Variants in SLC49A4 observed in about 807,000 individuals in gnomAD.
SLC49A4 encodes solute carrier family 49 member 4.
In SLC49A4, 36 loss-of-function variants were observed where a neutral mutation model predicts 50.6. The observed-to-expected ratio is 0.71, with a 90% CI of 0.55 to 0.94. The LOEUF (loss-of-function observed/expected upper bound fraction) is 0.94, where lower values mean the gene tolerates loss of function less well. Ranked by LOEUF, SLC49A4 falls within the 40% of genes least tolerant of loss-of-function variation. The pLI is 0.00. For missense variants in SLC49A4, 503 were observed against 605.7 expected, an observed-to-expected ratio of 0.83 and a Z score of 1.78; for synonymous variants, 248 against 241.2, an observed-to-expected ratio of 1.03 and a Z score of -0.26.
At chr3:122,858,397 A>G (rs1937015987) in intron 6 of SLC49A4, among the ~76,000 whole-genome samples, 1 of 152,172 alleles carries the variant, frequency 6.6e-6, no homozygotes, top group East Asian at 1.9e-4. Context: ...AAATCTGAAA[A>G]CTGTTAGGTA....
intron 1 of SLC49A4, among the ~76,000 whole-genome samples, chr3:122,797,304 C>T (rs1451925774): frequency 2.6e-5 from 4 of 152,096 alleles, no homozygotes; most frequent in Middle Eastern, 3.4e-3. Context: ...AAAGGTTCTG[C>T]GACAAGAATG....
chr3:122,863,786 C>T (rs1937083599), intron 7 of SLC49A4, among the ~76,000 whole-genome samples: 1 of 152,122 alleles, frequency 6.6e-6, no homozygotes. Context: ...GAAGAATCTA[C>T]CTGAAACGTA....
chr3:122,807,476 A>C (rs2107557347), intron 2 of SLC49A4, among the ~76,000 whole-genome samples: 1 of 152,250 alleles, frequency 6.6e-6, no homozygotes, highest in East Asian at 1.9e-4. Flanking sequence ...AGGTAGTCTT[A>C]TTTGTATATA....
chr3:122,830,681 T>TATAAACTAACTATAAA (rs1936596847), intron 3 of SLC49A4, among the ~76,000 whole-genome samples: 2 of 152,172 alleles, frequency 1.3e-5, no homozygotes. Flanking sequence ...ACTATAAAAC[T>TATAAACTAACTATAAA]CTTGGAAGAA....
At chr3:122,821,269 T>C (rs1229411071) in intron 2 of SLC49A4, among the ~76,000 whole-genome samples, 2 of 152,160 alleles carry the variant, frequency 1.3e-5, no homozygotes, top group East Asian at 3.9e-4. Flanking sequence ...CCCTCTCTCA[T>C]TCACTTTTCC....
intron 1 of SLC49A4, among the ~76,000 whole-genome samples, chr3:122,797,655 T>C (rs1936065834): frequency 6.6e-6 from 1 of 152,204 alleles, no homozygotes; most frequent in South Asian, 2.1e-4. Context: ...CTTTGGGTTA[T>C]TGTTGTTTGC....
Position 122,795,260 on chromosome 3 carries a change from T to C in SLC49A4, c.68T>C (p.Leu23Pro). The C allele has an allele frequency of 7.2e-7, 1 of 1,394,562 alleles. No homozygotes were observed. The highest frequency in any genetic ancestry group is 9.2e-7 in the Non-Finnish European group (1 of 1,087,444). 86.4% of individuals were successfully genotyped at this position (1,394,562 alleles called of 1,614,324 possible). ...CTGGGGCCCGGGCTCGGGCCTGGGC[T>C]GGGGGCCTCCTGGAGAAGCCGGGAG... ...PLLGPGLGPG[L>P]GASWRSREAA... Residue 23 changes from leucine (L) to proline (P), a missense_variant, in exon 1 of 9, where the codon CTG (leucine) becomes CCG (proline). Leu to Pro is a moderately conservative substitution (Grantham distance 98). Coordinates refer to ENST00000261038, the MANE Select transcript of SLC49A4 (RefSeq NM_032839.3).
At chr3:122,819,283 A>G (rs1936419278) in intron 2 of SLC49A4, among the ~76,000 whole-genome samples, 1 of 151,554 alleles carries the variant, frequency 6.6e-6, no homozygotes, top group African/African-American at 2.4e-5. Flanking sequence ...GACAGAAAGT[A>G]TCTTTGGAGA....
At chr3:122,799,920 A>G (rs758039394) in intron 1 of SLC49A4, among the ~76,000 whole-genome samples, 1 of 152,190 alleles carries the variant, frequency 6.6e-6, no homozygotes, top group Non-Finnish European at 1.5e-5. Flanking sequence ...GTTGTGTAAG[A>G]TGGTAGAGAG....
chr3:122,819,555 T>A (rs771762705), intron 2 of SLC49A4, among the ~76,000 whole-genome samples: 2 of 152,182 alleles, frequency 1.3e-5, no homozygotes, highest in Non-Finnish European at 2.9e-5. Flanking sequence ...TTTAATTGAA[T>A]CATTATTGAC....
At chr3:122,853,668 G>A (rs1936951837) in intron 5 of SLC49A4, among the ~76,000 whole-genome samples, 1 of 152,196 alleles carries the variant, frequency 6.6e-6, no homozygotes, top group Non-Finnish European at 1.5e-5. Flanking sequence ...TCTGAGATGA[G>A]AGGATCACTT....
chr3:122,855,284 A>G (rs1347052805), intron 5 of SLC49A4, among the ~76,000 whole-genome samples: 1 of 152,222 alleles, frequency 6.6e-6, no homozygotes, highest in Admixed American at 6.5e-5. Flanking sequence ...ACAGTGAGCA[A>G]AATAGATTGC....
intron 5 of SLC49A4, among the ~76,000 whole-genome samples, chr3:122,849,839 A>G (rs1936901557): frequency 2.6e-5 from 4 of 151,912 alleles, no homozygotes; most frequent in Admixed American, 6.6e-5. Context: ...ATGTAATCCC[A>G]TTTGTCTGAT....
chr3:122,860,090 CA>C lies in SLC49A4; in HGVS notation c.1027del (p.Arg343GlyfsTer4). The C allele has an allele frequency of 6.2e-7, 1 of 1,608,210 alleles. No homozygotes were observed. Among genetic ancestry groups the C allele is most frequent in the Non-Finnish European group, 8.5e-7 (1 of 1,177,792 alleles). On this transcript the variant is annotated frameshift_variant, in exon 7 of 9. Transcript: ENST00000261038. LOFTEE classifies it high-confidence loss of function. ...TTGTTTTTAGGTTTGCAGATTTTAT[CA>C]GGGGTATGCTGAAACTAATTCTTCT... Reference protein sequence around the residue: ...IAMARFADFIRGMLKLILLLL... With the variant: ...IAMARFADFIXGMLKLILLLL...
At chr3:122,801,554 G>T (rs77307349) in intron 1 of SLC49A4, among the ~76,000 whole-genome samples, 19 of 152,188 alleles carry the variant, frequency 1.2e-4, no homozygotes, top group African/African-American at 4.6e-4. Flanking sequence ...TCGAGATCGC[G>T]CCATTACACT....
At chr3:122,796,823 G>C (rs889420322) in intron 1 of SLC49A4, among the ~76,000 whole-genome samples, 1 of 152,192 alleles carries the variant, frequency 6.6e-6, no homozygotes, top group African/African-American at 2.4e-5. Context: ...GTCGAAGCTG[G>C]AGTGAGCTGT....
At chr3:122,800,778 T>C (rs1000915720) in intron 1 of SLC49A4, among the ~76,000 whole-genome samples, 14 of 151,240 alleles carry the variant, frequency 9.3e-5, no homozygotes, top group African/African-American at 3.5e-4. Context: ...GTAGAAGTTA[T>C]CTTTGCTTTT....
In SLC49A4 at chr3:122,856,381, A is replaced by G. The variant is rs1180795573; in HGVS notation, c.1010+7A>G. ...TTGGAATAGCTATGGCAAGGTGAGA[A>G]TATTTTGTTAAACTTGTGAGTGGAC... On this transcript the variant is annotated splice_region_variant and intron_variant, in intron 6 of 8. Coordinates refer to ENST00000261038, the MANE Select transcript of SLC49A4 (RefSeq NM_032839.3). 6.2e-7 allele frequency: 1 copy of G among 1,613,574 alleles called. No homozygotes were observed. Among genetic ancestry groups the G allele is most frequent in the Non-Finnish European group, 8.5e-7 (1 of 1,179,716 alleles).
chr3:122,869,584 A>G (rs1937168436), intron 7 of SLC49A4, among the ~76,000 whole-genome samples: 1 of 152,080 alleles, frequency 6.6e-6, no homozygotes, highest in African/African-American at 2.4e-5. Context: ...ATTCCTAGGC[A>G]TGGAATTGCT....
Sources: allele counts gnomAD v4.1 joint callset (sites outside exome capture counted in the v4.1 genomes callset), GRCh38; gene constraint gnomAD v4.1.1; transcripts MANE v1.5; gene names NCBI Gene and HGNC (gene_info 2026-07-23, HGNC 2026-07-21).